The following PGCKA1 variants were observed in gnomAD, a reference collection of about 807,000 sequenced individuals.
The protein encoded by PGCKA1 is PDCD10 and GCKIII kinases associated 1.
chr4:37,534,617 T>C, the PGCKA1 span, among the ~76,000 whole-genome samples: 1 of 152,218 alleles, frequency 6.6e-6, no homozygotes, highest in African/African-American at 2.4e-5. Flanking sequence ...TTCTGGATGC[T>C]GGGATGTCCA....
At chr4:37,480,767 T>G in the PGCKA1 span, among the ~76,000 whole-genome samples, 2 of 152,258 alleles carry the variant, frequency 1.3e-5, no homozygotes, top group African/African-American at 2.4e-5. Flanking sequence ...GGGGCTAGAA[T>G]GTCTCTGGGA....
chr4:37,461,621 G>A, the PGCKA1 span, among the ~76,000 whole-genome samples: 11 of 152,142 alleles, frequency 7.2e-5, 1 homozygote, highest in East Asian at 2.1e-3. Context: ...GAAAGCAAGT[G>A]GAGGGATTGC....
At chr4:37,515,988 T>TA in the PGCKA1 span, among the ~76,000 whole-genome samples, 4 of 151,942 alleles carry the variant, frequency 2.6e-5, no homozygotes, top group East Asian at 1.9e-4. Context: ...ATACTTTTTT[T>TA]TATATATAAA....
At chr4:37,536,867 T>C in the PGCKA1 span, among the ~76,000 whole-genome samples, 2 of 152,194 alleles carry the variant, frequency 1.3e-5, no homozygotes, top group Non-Finnish European at 2.9e-5. Context: ...ACAAACCTCA[T>C]GTAGAATGGG....
chr4:37,531,941 G>A, the PGCKA1 span, among the ~76,000 whole-genome samples: 7 of 149,430 alleles, frequency 4.7e-5, no homozygotes, highest in African/African-American at 9.8e-5. Flanking sequence ...CTCAACACTC[G>A]TCACTTCCTA....
At chr4:37,574,236 G>A in the PGCKA1 span, among the ~76,000 whole-genome samples, 1 of 151,744 alleles carries the variant, frequency 6.6e-6, no homozygotes, top group African/African-American at 2.4e-5. Context: ...GCAAAAACAT[G>A]TATGTTTTGT....
At chr4:37,458,018 A>G in the PGCKA1 span, among the ~76,000 whole-genome samples, 3 of 152,234 alleles carry the variant, frequency 2.0e-5, no homozygotes, top group East Asian at 1.9e-4. Flanking sequence ...GTTCAAAACT[A>G]TCTGTTAGAA....
At chr4:37,571,128 CAT>C in the PGCKA1 span, among the ~76,000 whole-genome samples, 1 of 152,104 alleles carries the variant, frequency 6.6e-6, no homozygotes, top group Non-Finnish European at 1.5e-5. Context: ...GTGGGGAGCT[CAT>C]GTGTAGTAGG....
the PGCKA1 span, among the ~76,000 whole-genome samples, chr4:37,484,267 CAGA>C: frequency 6.6e-6 from 1 of 151,968 alleles, no homozygotes; most frequent in Non-Finnish European, 1.5e-5. Flanking sequence ...ACAATCACGA[CAGA>C]AGGTGAAAGG....
At chr4:37,575,077 C>T in the PGCKA1 span, among the ~76,000 whole-genome samples, 1 of 152,156 alleles carries the variant, frequency 6.6e-6, no homozygotes, top group East Asian at 1.9e-4. Context: ...GCAGGTATCT[C>T]TTCAATACAG....
chr4:37,546,053 G>A, the PGCKA1 span, among the ~76,000 whole-genome samples: 2 of 152,170 alleles, frequency 1.3e-5, no homozygotes, highest in African/African-American at 4.8e-5. Context: ...TGATGAGAAG[G>A]AGGATGGGGA....
chr4:37,481,482 AAAAAAAAAAAAAAAAAAAG>A, the PGCKA1 span, among the ~76,000 whole-genome samples: 1 of 75,080 alleles, frequency 1.3e-5, no homozygotes, highest in Non-Finnish European at 4.0e-5. Context: ...AAAAAAAAAA[AAAAAAAAAAAAAAAAAAAG>A]AAGTCCAAGA....
chr4:37,510,197 C>T, the PGCKA1 span, among the ~76,000 whole-genome samples: 3 of 152,128 alleles, frequency 2.0e-5, no homozygotes, highest in African/African-American at 4.8e-5. Flanking sequence ...ATCTCTATTT[C>T]TCCAGGATTG....
the PGCKA1 span, among the ~76,000 whole-genome samples, chr4:37,465,049 A>C: frequency 6.6e-6 from 1 of 152,228 alleles, no homozygotes; most frequent in Non-Finnish European, 1.5e-5. Flanking sequence ...AGTTCCATGA[A>C]GAGTTTTCAA....
chr4:37,476,695 C>A, the PGCKA1 span, among the ~76,000 whole-genome samples: 2 of 152,124 alleles, frequency 1.3e-5, no homozygotes, highest in African/African-American at 4.8e-5. Context: ...GGTTTAGAAG[C>A]TAGGAATCAA....
the PGCKA1 span, among the ~76,000 whole-genome samples, chr4:37,465,438 G>C: frequency 6.6e-6 from 1 of 152,048 alleles, no homozygotes; most frequent in African/African-American, 2.4e-5. Context: ...TGTCCAGCTG[G>C]GATCCACAGG....
chr4:37,560,799 A>G, the PGCKA1 span, among the ~76,000 whole-genome samples: 1 of 140,128 alleles, frequency 7.1e-6, no homozygotes, highest in Non-Finnish European at 1.6e-5. Context: ...TTCATTAGTG[A>G]TCTTGACTTG....
the PGCKA1 span, among the ~76,000 whole-genome samples, chr4:37,573,100 G>A: frequency 6.6e-6 from 1 of 152,178 alleles, no homozygotes; most frequent in African/African-American, 2.4e-5. Flanking sequence ...TGGACCTCAT[G>A]TATTTCCCTT....
chr4:37,471,790 C>T, the PGCKA1 span, among the ~76,000 whole-genome samples: 1 of 151,840 alleles, frequency 6.6e-6, no homozygotes, highest in Non-Finnish European at 1.5e-5. Flanking sequence ...AAAAGTTGGC[C>T]AGGGGAAAAG....
Sources: allele counts gnomAD v4.1 joint callset (sites outside exome capture counted in the v4.1 genomes callset), GRCh38; gene constraint gnomAD v4.1.1; transcripts MANE v1.5; gene names NCBI Gene and HGNC (gene_info 2026-07-23, HGNC 2026-07-21).